The following PTPRD variants were observed in gnomAD, a reference collection of about 807,000 sequenced individuals.
PTPRD encodes protein tyrosine phosphatase receptor type D.
PTPRD carries 34 observed loss-of-function variants against 214.5 expected under a neutral mutation model. The ratio of observed to expected loss-of-function variants is 0.16; its 90% CI spans 0.12 to 0.21. The LOEUF (loss-of-function observed/expected upper bound fraction) is 0.21. PTPRD is among the 10% of genes least tolerant of loss of function. The pLI, the probability that PTPRD is intolerant of heterozygous loss-of-function variation, is 1.00. For missense variants in PTPRD, 2,545 were observed against 2,398.7 expected (o/e 1.06, Z -1.27); for synonymous variants, 1,128 against 845.7 (o/e 1.33, Z -5.79).
intron 10 of PTPRD, among the ~76,000 whole-genome samples, chr9:9,053,887 A>G (rs960213290): frequency 1.3e-5 from 2 of 152,148 alleles, no homozygotes; most frequent in Non-Finnish European, 2.9e-5. Flanking sequence ...ATCTAAATGG[A>G]TAACTAGACA....
chr9:8,353,622 T>C (rs1031571144), intron 39 of PTPRD, among the ~76,000 whole-genome samples: 3 of 151,722 alleles, frequency 2.0e-5, no homozygotes, highest in South Asian at 2.1e-4. Flanking sequence ...TTAGTAGAGA[T>C]GGGGTTTCAC....
chr9:8,611,627 C>T (rs1213537273), intron 14 of PTPRD, among the ~76,000 whole-genome samples: 1 of 151,664 alleles, frequency 6.6e-6, no homozygotes, highest in Non-Finnish European at 1.5e-5. Context: ...ACCACCTGAG[C>T]CTGGAAGGTC....
intron 6 of PTPRD, among the ~76,000 whole-genome samples, chr9:9,752,709 C>A (rs1199831584): frequency 4.6e-5 from 7 of 151,902 alleles, no homozygotes; most frequent in Non-Finnish European, 8.8e-5. Flanking sequence ...GGACGGAGGG[C>A]AAGTATTTTT....
chr9:8,698,768 T>C (rs1285609351), intron 12 of PTPRD, among the ~76,000 whole-genome samples: 1 of 152,152 alleles, frequency 6.6e-6, no homozygotes, highest in Non-Finnish European at 1.5e-5. Context: ...GGAAACTAGA[T>C]AGCTTGTTAC....
chr9:8,643,211 C>T (rs1475067898), intron 12 of PTPRD, among the ~76,000 whole-genome samples: 3 of 152,128 alleles, frequency 2.0e-5, no homozygotes, highest in African/African-American at 7.2e-5. Context: ...GAAATAACTG[C>T]TCCTTGAGTT....
At chr9:8,742,788 T>G (rs1026038592) in intron 11 of PTPRD, among the ~76,000 whole-genome samples, 4 of 152,200 alleles carry the variant, frequency 2.6e-5, no homozygotes, top group Admixed American at 6.5e-5. Context: ...CAAAGAAAAC[T>G]AATTTAGCGC....
chr9:10,081,093 T>C (rs952039984), intron 3 of PTPRD, among the ~76,000 whole-genome samples: 1 of 152,128 alleles, frequency 6.6e-6, no homozygotes, highest in Non-Finnish European at 1.5e-5. Context: ...TTTTTAAACC[T>C]GCTATTTCCA....
intron 10 of PTPRD, among the ~76,000 whole-genome samples, chr9:9,043,211 C>T (rs970964185): frequency 4.6e-5 from 7 of 152,134 alleles, no homozygotes; most frequent in African/African-American, 7.2e-5. Context: ...TGGCATCATT[C>T]TGTGTTGTTG....
At chr9:8,650,528 C>CAAAA (rs35887411) in intron 12 of PTPRD, among the ~76,000 whole-genome samples, 2 of 104,288 alleles carry the variant, frequency 1.9e-5, no homozygotes, top group Non-Finnish European at 3.9e-5. Flanking sequence ...ACTCCGCCTC[C>CAAAA]AAAAAAAAAA....
At chr9:10,064,786 C>A (rs1035495672) in intron 3 of PTPRD, among the ~76,000 whole-genome samples, 1 of 151,930 alleles carries the variant, frequency 6.6e-6, no homozygotes, top group Admixed American at 6.6e-5. Flanking sequence ...AAAACTTGCA[C>A]ATGTACTCCC....
intron 5 of PTPRD, among the ~76,000 whole-genome samples, chr9:9,836,478 C>A (rs1178963304): frequency 2.0e-5 from 3 of 152,112 alleles, no homozygotes; most frequent in African/African-American, 7.2e-5. Context: ...TACCAAATCT[C>A]GCCTGACTAC....
intron 2 of PTPRD, among the ~76,000 whole-genome samples, chr9:10,547,631 A>C (rs2060443248): frequency 2.6e-5 from 4 of 151,936 alleles, no homozygotes; most frequent in Admixed American, 1.3e-4. Context: ...TTTTCTATAT[A>C]AGTAGTATTG....
chr9:9,982,058 T>C (rs757718083), intron 4 of PTPRD, among the ~76,000 whole-genome samples: 1 of 152,178 alleles, frequency 6.6e-6, no homozygotes, highest in African/African-American at 2.4e-5. Context: ...TTCCCCTAGG[T>C]TGGCTCAGTG....
At chr9:9,138,051 A>G (rs1174354812) in intron 10 of PTPRD, among the ~76,000 whole-genome samples, 2 of 152,176 alleles carry the variant, frequency 1.3e-5, no homozygotes, top group East Asian at 1.9e-4. Context: ...GAGATACTAC[A>G]TAGATCTGTC....
intron 2 of PTPRD, among the ~76,000 whole-genome samples, chr9:10,574,854 C>T (rs1189702340): frequency 1.4e-5 from 2 of 147,910 alleles, no homozygotes; most frequent in Admixed American, 1.4e-4. Context: ...CTTTCTTCCC[C>T]CCATTTAAAA....
intron 9 of PTPRD, among the ~76,000 whole-genome samples, chr9:9,189,073 A>G (rs970636974): frequency 6.6e-6 from 1 of 152,112 alleles, no homozygotes; most frequent in African/African-American, 2.4e-5. Context: ...CATGGTATGT[A>G]TCAGAAGAGA....
intron 14 of PTPRD, among the ~76,000 whole-genome samples, chr9:8,587,544 C>T (rs1248163279): frequency 6.6e-6 from 1 of 152,058 alleles, no homozygotes; most frequent in African/African-American, 2.4e-5. Flanking sequence ...TAAAATATAA[C>T]CTTCTATATA....
At chr9:8,322,333 CCT>C (rs1247681211) in intron 44 of PTPRD, among the ~76,000 whole-genome samples, 1 of 152,118 alleles carries the variant, frequency 6.6e-6, no homozygotes, top group African/African-American at 2.4e-5. Flanking sequence ...GAAAGCTAGG[CCT>C]CTCGCACCAA....
At chr9:9,154,831 C>A (rs185897457) in intron 10 of PTPRD, among the ~76,000 whole-genome samples, 3 of 152,144 alleles carry the variant, frequency 2.0e-5, no homozygotes, top group Non-Finnish European at 2.9e-5. Flanking sequence ...AAATCATTTC[C>A]TATATTTTAT....
Sources: gnomAD v4.1 joint callset for allele counts (sites outside exome capture counted in the v4.1 genomes callset) on GRCh38, gnomAD v4.1.1 for gene constraint, MANE v1.5 for transcripts, NCBI Gene and HGNC (gene_info 2026-07-23, HGNC 2026-07-21) for gene names.